The following FHIT variants were observed in gnomAD, a reference collection of about 807,000 sequenced individuals.
FHIT encodes bis(5'-adenosyl)-triphosphatase.
A neutral mutation model predicts 17.9 loss-of-function variants in FHIT; 19 were observed. That is an observed-to-expected ratio of 1.06 (90% CI 0.74 to 1.56). The LOEUF (loss-of-function observed/expected upper bound fraction) is 1.56, where lower values mean the gene tolerates loss of function less well. FHIT is among the 40% of genes most tolerant of loss of function. The pLI is 0.00. For missense variants in FHIT, 248 were observed against 189.2 expected (o/e 1.31, Z -1.82); for synonymous variants, 81 against 69.7 (o/e 1.16, Z -0.81).
intron 8 of FHIT, among the ~76,000 whole-genome samples, chr3:59,899,778 G>C (rs1381223725): frequency 6.6e-6 from 1 of 152,118 alleles, no homozygotes. Context: ...CCCGGGAGGC[G>C]GAGGTTGCAG....
At chr3:60,666,795 C>G (rs2040390562) in intron 4 of FHIT, among the ~76,000 whole-genome samples, 1 of 152,044 alleles carries the variant, frequency 6.6e-6, no homozygotes, top group Non-Finnish European at 1.5e-5. Context: ...GCCTCAGCCT[C>G]CTGAGTAGCT....
At chr3:60,413,151 T>C (rs1307845428) in intron 5 of FHIT, among the ~76,000 whole-genome samples, 2 of 152,148 alleles carry the variant, frequency 1.3e-5, no homozygotes, top group Non-Finnish European at 2.9e-5. Context: ...CCATACCAAA[T>C]GAACATTCTT....
At chr3:59,795,266 C>A (rs1384938152) in intron 8 of FHIT, among the ~76,000 whole-genome samples, 1 of 152,024 alleles carries the variant, frequency 6.6e-6, no homozygotes, top group Non-Finnish European at 1.5e-5. Context: ...TGCCTGTAGT[C>A]CCAGCTACTA....
intron 4 of FHIT, among the ~76,000 whole-genome samples, chr3:60,775,716 G>A (rs1393317566): frequency 2.6e-5 from 4 of 152,078 alleles, no homozygotes; most frequent in Non-Finnish European, 5.9e-5. Context: ...TCTCATCCCC[G>A]TGGCCTTTTC....
intron 5 of FHIT, among the ~76,000 whole-genome samples, chr3:60,355,384 A>C (rs1699606701): frequency 6.6e-6 from 1 of 152,052 alleles, no homozygotes; most frequent in African/African-American, 2.4e-5. Context: ...CTTCTTATCT[A>C]ATCTGTCATC....
At position 59,767,217 on chromosome 3, in the gene FHIT, G is replaced by C. The variant is rs559010081; in HGVS notation, c.349-14896C>G. Among the ~76,000 whole-genome samples, 19 of 152,250 alleles carry C rather than the reference G, an allele frequency of 1.2e-4. No homozygotes were observed. The East Asian group carries it at 3.5e-3, about 28-fold the overall frequency. On this transcript the variant is annotated intron_variant, in intron 8 of 9. Transcript: ENST00000492590. ...CTACTCTATGAAAAATGGAGAGCTGGGCCGGGCGCGGTGGCTCACGCCTGT... is the reference window on the plus strand; with the variant it reads ...CTACTCTATGAAAAATGGAGAGCTGCGCCGGGCGCGGTGGCTCACGCCTGT...
chr3:60,107,510 G>C (rs893464634), intron 5 of FHIT, among the ~76,000 whole-genome samples: 6 of 152,090 alleles, frequency 3.9e-5, no homozygotes, highest in African/African-American at 1.4e-4. Flanking sequence ...ATGATGGGTG[G>C]ACTTTTATAG....
intron 5 of FHIT, among the ~76,000 whole-genome samples, chr3:60,354,070 A>G (rs975976699): frequency 2.0e-5 from 3 of 152,144 alleles, no homozygotes; most frequent in African/African-American, 7.2e-5. Flanking sequence ...TCACGATAAA[A>G]AAGTGGCAAT....
At chr3:60,929,944 G>A (rs368730907) in intron 3 of FHIT, among the ~76,000 whole-genome samples, 1 of 152,168 alleles carries the variant, frequency 6.6e-6, no homozygotes, top group Non-Finnish European at 1.5e-5. Flanking sequence ...GAGGCATCAT[G>A]CTACCTGACT....
intron 5 of FHIT, among the ~76,000 whole-genome samples, chr3:60,195,082 C>G (rs964001739): frequency 6.6e-6 from 1 of 152,100 alleles, no homozygotes; most frequent in African/African-American, 2.4e-5. Flanking sequence ...AGGAGAATCA[C>G]TTGAACCCAG....
At chr3:61,240,611 A>G (rs1174340727) in intron 1 of FHIT, among the ~76,000 whole-genome samples, 2 of 152,230 alleles carry the variant, frequency 1.3e-5, no homozygotes, top group East Asian at 1.9e-4. Flanking sequence ...TTCAGCCCAT[A>G]CAATTGAGTC....
intron 8 of FHIT, among the ~76,000 whole-genome samples, chr3:59,823,963 A>G (rs1452427418): frequency 1.3e-5 from 2 of 152,236 alleles, no homozygotes; most frequent in Non-Finnish European, 2.9e-5. Flanking sequence ...AGACTCATCC[A>G]AAAAGCTTCA....
chr3:60,077,735 TA>T (rs1332811361), intron 5 of FHIT, among the ~76,000 whole-genome samples: 1,208 of 63,126 alleles, frequency 0.019, 12 homozygotes, highest in African/African-American at 0.065. Context: ...CACACATATA[TA>T]GAGGGGGGGG....
chr3:60,002,345 T>C (rs1238120037), intron 7 of FHIT, among the ~76,000 whole-genome samples: 2 of 152,120 alleles, frequency 1.3e-5, no homozygotes, highest in Admixed American at 1.3e-4. Flanking sequence ...CCTGAGGTTT[T>C]GGATTAATCT....
intron 5 of FHIT, among the ~76,000 whole-genome samples, chr3:60,178,355 G>C (rs1030655637): frequency 1.3e-5 from 2 of 152,148 alleles, no homozygotes; most frequent in African/African-American, 2.4e-5. Context: ...GGGAGGCTGA[G>C]GCGGGCGGAT....
intron 5 of FHIT, among the ~76,000 whole-genome samples, chr3:60,276,577 A>C (rs544935389): frequency 1.3e-5 from 2 of 152,302 alleles, no homozygotes; most frequent in South Asian, 4.1e-4. Context: ...AATATTTTTT[A>C]AACTTCTGTT....
At chr3:61,100,816 A>T (rs993172645) in intron 2 of FHIT, among the ~76,000 whole-genome samples, 1 of 152,188 alleles carries the variant, frequency 6.6e-6, no homozygotes, top group African/African-American at 2.4e-5. Context: ...ACCAGTGATG[A>T]TGAGCATTTT....
intron 4 of FHIT, among the ~76,000 whole-genome samples, chr3:60,766,232 T>C (rs1439984420): frequency 6.6e-6 from 1 of 152,210 alleles, no homozygotes; most frequent in Non-Finnish European, 1.5e-5. Context: ...TGTCTATTCT[T>C]AATGCATTAA....
intron 2 of FHIT, among the ~76,000 whole-genome samples, chr3:61,122,537 G>A (rs2036488930): frequency 6.6e-6 from 1 of 152,206 alleles, no homozygotes. Context: ...CTTCTGCACA[G>A]CAAAAGAAAC....
Sources: gnomAD v4.1 joint callset for allele counts (sites outside exome capture counted in the v4.1 genomes callset) on GRCh38, gnomAD v4.1.1 for gene constraint, MANE v1.5 for transcripts, NCBI Gene and HGNC (gene_info 2026-07-23, HGNC 2026-07-21) for gene names.